Variants in HERC2 observed in about 807,000 individuals in gnomAD.
The protein encoded by HERC2 is HECT and RLD domain containing E3 ubiquitin protein ligase 2.
In HERC2, 102 loss-of-function variants were observed where a neutral mutation model predicts 537.7. That is an observed-to-expected ratio of 0.19 (90% CI 0.16 to 0.22). The LOEUF is 0.22. Among genes scored for constraint, HERC2 ranks in the 10% least tolerant of loss-of-function variants. The probability of loss-of-function intolerance (pLI) is 1.00; values close to 1 mark genes in which losing one functional copy is unlikely to be tolerated. For synonymous variants in HERC2, 2,224 were observed against 2,466.2 expected (o/e 0.90, Z 2.91); for missense variants, 4,236 against 6,198.2 (o/e 0.68, Z 10.63).
Position 28,237,980 on chromosome 15 carries a change from G to C in HERC2, c.3852+134C>G. On this transcript the variant is annotated intron_variant, in intron 25 of 92. Coordinates refer to ENST00000261609, the MANE Select transcript of HERC2 (RefSeq NM_004667.6). ...ATTCATTTATGACAAAACTTCTAAA[G>C]GATCTTTATATTTATCCCTAATGCC... The C allele has an allele frequency of 5.2e-6, 4 of 768,784 alleles. No individual in the cohort carries two copies. In the South Asian group the frequency reaches 5.6e-5, roughly 11 times the overall value. 47.6% of individuals were successfully genotyped at this position (768,784 alleles called of 1,614,324 possible).
chr15:28,270,804 T>C lies in HERC2; in HGVS notation c.1148A>G (p.Asn383Ser), dbSNP rs764674033. 7.4e-6 allele frequency: 12 copies of C among 1,613,856 alleles called. No homozygotes were observed. The highest frequency in any genetic ancestry group is 1.0e-5 in the Non-Finnish European group (12 of 1,179,840). ...FLRYLTLPQD[N>S]ELAIDLRQTA... is the part of the protein sequence containing the mutation. ...TTGTCGCAGATCAATGGCAAGCTCGTTGTCTTGTGGAAGGGTGAGGTACCT... is the reference window on the plus strand; with the variant it reads ...TTGTCGCAGATCAATGGCAAGCTCGCTGTCTTGTGGAAGGGTGAGGTACCT... Residue 383 changes from asparagine to serine, a missense_variant, in exon 10 of 93, where the codon AAC becomes AGC. By Grantham distance (46) the Asn-to-Ser change is conservative (BLOSUM62 1). Transcript: ENST00000261609.
rs564916153 is a variant in HERC2, at chr15:28,210,497, G to A, written c.7069+505C>T. Among the ~76,000 whole-genome samples, 4 of 152,210 alleles carry A rather than the reference G, an allele frequency of 2.6e-5. 1 individual carries two copies. In the South Asian group the frequency reaches 8.3e-4, roughly 32 times the overall value. ...TAAAGTCCCACGGAATGACTTGCTG[G>A]GCCAAAGTATATAAATACATACATA... On this transcript the variant is annotated intron_variant, in intron 44 of 92. Coordinates refer to ENST00000261609, the MANE Select transcript of HERC2 (RefSeq NM_004667.6).
chr15:28,167,717 G>A lies in HERC2; in HGVS notation c.10524C>T (p.Ile3508=). The change falls in exon 68 of 93, where the codon ATC becomes ATT. Residue 3508 remains isoleucine (I), a synonymous_variant. Coordinates refer to ENST00000261609, the MANE Select transcript of HERC2 (RefSeq NM_004667.6). ...TGGTTTTGGTCATGGTTTCTGCAAT[G>A]ATGCTTGCGGCTCCCAGGTCATCCG... ...PVTDDLGAAS[I]IAETMTKTKE... is the part of the protein sequence containing the mutation. 1 of 1,614,178 alleles carries A rather than the reference G, an allele frequency of 6.2e-7. No individual in the cohort carries two copies. The highest frequency in any genetic ancestry group is 2.2e-5 in the East Asian group (1 of 44,876).
At chr15:28,190,926 T>C in intron 55 of HERC2, 39 bp downstream of exon 55, 1 of 1,383,242 alleles carries the variant, frequency 7.2e-7, no homozygotes, top group Non-Finnish European at 1.0e-6. Context: ...CCTTGTCATC[T>C]GTAAATCATC....
intron 30 of HERC2, among the ~76,000 whole-genome samples, chr15:28,232,045 C>T (rs1249951315): frequency 6.6e-6 from 1 of 152,128 alleles, no homozygotes; most frequent in Non-Finnish European, 1.5e-5. Context: ...AGCAGTGTGA[C>T]TGCTGTGACT....
rs1887673999 is a variant in HERC2 at position 28,111,800 on chromosome 15, G to A, written c.14468C>T (p.Ala4823Val). 1.2e-6 allele frequency: 2 copies of A among 1,614,138 alleles called. No homozygotes were observed. The highest frequency in any genetic ancestry group is 2.2e-5 in the East Asian group (1 of 44,894). The change falls in exon 93 of 93, where the codon GCT becomes GTT. Residue 4823 changes from alanine to valine, a missense_variant. Physicochemically the swap from Ala to Val is moderately conservative, Grantham distance 64. This residue lies in a region of HERC2 where 313 missense variants were observed against 462.6 expected (regional missense o/e 0.68). Transcript: ENST00000261609. Reference sequence around the variant, plus strand: ...TAAATAATCTTGTGTAGAGTCCGAAGCAAAGGAGTCGACATCCTCGTTATC... The same window carrying A: ...TAAATAATCTTGTGTAGAGTCCGAAACAAAGGAGTCGACATCCTCGTTATC... ...DSDNEDVDSF[A>V]SDSTQDYLTG...
chr15:28,248,983 T>C (rs1903997697), intron 20 of HERC2, among the ~76,000 whole-genome samples: 1 of 152,212 alleles, frequency 6.6e-6, no homozygotes, highest in Admixed American at 6.5e-5. Flanking sequence ...AATGTGCGCC[T>C]ATGGAGCTGC....
chr15:28,318,234 G>C (rs1051028864), intron 2 of HERC2, among the ~76,000 whole-genome samples: 1 of 152,118 alleles, frequency 6.6e-6, no homozygotes, highest in African/African-American at 2.4e-5. Context: ...AAAATAAAAA[G>C]TGATGTGACT....
intron 78 of HERC2, among the ~76,000 whole-genome samples, chr15:28,140,049 C>T (rs1175588012): frequency 6.7e-6 from 1 of 150,076 alleles, no homozygotes; most frequent in African/African-American, 2.5e-5. Context: ...GCCTGGGCGA[C>T]AGAGTGAGAC....
At chr15:28,155,701 A>T (rs1423414349) in intron 69 of HERC2, among the ~76,000 whole-genome samples, 1 of 152,032 alleles carries the variant, frequency 6.6e-6, no homozygotes, top group East Asian at 1.9e-4. Context: ...ATTTTCTCCC[A>T]TTCTGTAGGT....
In HERC2 at chr15:28,113,926, C is replaced by A. The variant is rs143089436; in HGVS notation, c.13914-248G>T. On this transcript the variant is annotated intron_variant, in intron 90 of 92. Transcript: ENST00000261609. The surrounding 1 kb of genome is among the most constrained non-coding windows in gnomAD (Gnocchi z 7.0). Reference sequence around the variant, plus strand: ...ACCTACAGCTATGCACACCCCAAGACGCCACTCTCAGTACCCACAGGACAC... The same window carrying A: ...ACCTACAGCTATGCACACCCCAAGAAGCCACTCTCAGTACCCACAGGACAC... Among the ~76,000 whole-genome samples, 217 of 152,276 alleles carry A rather than the reference C, an allele frequency of 1.4e-3. No individual in the cohort carries two copies. Among genetic ancestry groups the A allele is most frequent in the African/African-American group, 5.1e-3 (211 of 41,544 alleles).
chr15:28,159,551 C>T (rs1566955211), intron 69 of HERC2, among the ~76,000 whole-genome samples: 4 of 152,196 alleles, frequency 2.6e-5, no homozygotes, highest in Admixed American at 6.5e-5. Flanking sequence ...GCATTTGTCA[C>T]GTAGTTCTCA....
intron 83 of HERC2, among the ~76,000 whole-genome samples, chr15:28,126,261 G>A (rs1889471336): frequency 6.6e-6 from 1 of 152,162 alleles, no homozygotes; most frequent in Admixed American, 6.5e-5. Context: ...CTAACAACAA[G>A]CTATCTGTGA....
At position 28,142,364 on chromosome 15, in the gene HERC2, C is replaced by G; in HGVS notation, c.11574G>C (p.Glu3858Asp). Residue 3858 changes from glutamate (E) to aspartate (D), a missense_variant, in exon 76 of 93, where the codon GAG becomes GAC. By Grantham distance (45) the Glu-to-Asp change is conservative. This residue lies in a region of HERC2 where 156 missense variants were observed against 172.3 expected (regional missense o/e 0.91). Coordinates refer to ENST00000261609, the MANE Select transcript of HERC2 (RefSeq NM_004667.6). ...KVLVALACDL[E>D]LDTLPCCAET... ...CGGCACAGCAAGGCAGAGTGTCCAG[C>G]TCCAGGTCACAAGCAAGAGCTACCA... is the stretch of plus-strand genomic sequence containing the variant. 2 of 1,613,838 alleles carry G rather than the reference C, an allele frequency of 1.2e-6. No homozygotes were observed. The highest frequency in any genetic ancestry group is 1.7e-6 in the Non-Finnish European group (2 of 1,179,884).
At position 28,170,846 on chromosome 15, in the gene HERC2, T is replaced by C. The variant is rs1217176774; in HGVS notation, c.10058-1191A>G. Among the ~76,000 whole-genome samples the C allele has an allele frequency of 2.7e-5, 4 of 149,266 alleles. No homozygotes were observed. In the East Asian group the frequency reaches 7.8e-4, roughly 29 times the overall value. On this transcript the variant is annotated intron_variant, in intron 65 of 92. Transcript: ENST00000261609. ...AATTAGAAAAGGGCATGAAGACATA[T>C]TTTACCAAAGAGGAGATATGGACAG...
chr15:28,266,276 G>A (rs2075565383), intron 12 of HERC2, among the ~76,000 whole-genome samples: 1 of 152,158 alleles, frequency 6.6e-6, no homozygotes, highest in Non-Finnish European at 1.5e-5. Flanking sequence ...ACCACTTTGG[G>A]AGGCCGAGGT....
intron 2 of HERC2, among the ~76,000 whole-genome samples, chr15:28,315,387 C>T (rs1312539743): frequency 6.6e-6 from 1 of 152,264 alleles, no homozygotes; most frequent in African/African-American, 2.4e-5. Flanking sequence ...GGGCGGCTCA[C>T]AGGCATGAGT....
rs1895260923 is a variant in HERC2 at position 28,176,069 on chromosome 15, G to A, written c.9686+359C>T. ...GCTCTTTTGCATATTAATAAAATAA[G>A]CTTTTACAAGAAACACATGTTAACT... On this transcript the variant is annotated intron_variant, in intron 63 of 92. Coordinates refer to ENST00000261609, the MANE Select transcript of HERC2 (RefSeq NM_004667.6). This position sits in a 1 kb window ranked among gnomAD's most constrained non-coding sequence, Gnocchi z 5.0. 6.6e-6 allele frequency among the ~76,000 whole-genome samples: 1 copy of A among 152,152 alleles called. No homozygotes were observed. Among genetic ancestry groups the A allele is most frequent in the South Asian group, 2.1e-4 (1 of 4,822 alleles).
rs1455887989 is a variant in HERC2 at position 28,260,945 on chromosome 15, T to G, written c.2148A>C (p.Ala716=). 7.4e-6 allele frequency: 12 copies of G among 1,613,654 alleles called. No individual in the cohort carries two copies. The highest frequency in any genetic ancestry group is 8.5e-6 in the Non-Finnish European group (10 of 1,179,864). The part of the protein sequence containing the change: ...LQGKKVIDVA[A]GSTHCLALTE... ...TCAGAGCCAGGCAGTGGGTGGAGCC[T>G]GCAGCCACATCAATCACCTTCTTCC... Residue 716 remains alanine (A), a synonymous_variant, in exon 16 of 93, where the codon GCA becomes GCC. Coordinates refer to ENST00000261609, the MANE Select transcript of HERC2 (RefSeq NM_004667.6).
Sources: gnomAD v4.1 joint callset for allele counts (sites outside exome capture counted in the v4.1 genomes callset) on GRCh38, gnomAD v4.1.1 for gene constraint, gnomAD v4.1.1 regional missense constraint, Gnocchi (gnomAD v3.1) non-coding constraint, MANE v1.5 for transcripts, NCBI Gene and HGNC (gene_info 2026-07-23, HGNC 2026-07-21) for gene names.